The following GCN1 variants were observed in gnomAD, a reference collection of about 807,000 sequenced individuals.
GCN1 encodes the protein stalled ribosome sensor GCN1.
A neutral mutation model predicts 288.4 loss-of-function variants in GCN1; 90 were observed. The ratio of observed to expected loss-of-function variants is 0.31; its 90% CI spans 0.26 to 0.37. The LOEUF is 0.37. Ranked by LOEUF, GCN1 falls within the 10% of genes least tolerant of loss-of-function variation. The probability of loss-of-function intolerance (pLI) is 1.00; values close to 1 mark genes in which losing one functional copy is unlikely to be tolerated. For missense variants in GCN1, 2,586 were observed against 3,419.9 expected (o/e 0.76, Z 6.08); for synonymous variants, 1,386 against 1,420.2 (o/e 0.98, Z 0.54).
intron 2 of GCN1, among the ~76,000 whole-genome samples, chr12:120,189,966 T>C (rs989893047): frequency 1.1e-4 from 16 of 151,766 alleles, no homozygotes; most frequent in African/African-American, 3.4e-4. Flanking sequence ...GGTGACATCG[T>C]GAGACTCTGT....
At chr12:120,180,635 T>C (rs1878625776) in intron 5 of GCN1, among the ~76,000 whole-genome samples, 1 of 151,512 alleles carries the variant, frequency 6.6e-6, no homozygotes, top group Non-Finnish European at 1.5e-5. Context: ...TCAGAGACTT[T>C]ATGTGCCATA....
Position 120,130,714 on chromosome 12 carries a change from G to C in GCN1, c.7603C>G (p.Leu2535Val). The C allele has an allele frequency of 6.2e-7, 1 of 1,614,034 alleles. No individual in the cohort carries two copies. Residue 2535 changes from leucine (L) to valine (V), a missense_variant, in exon 56 of 58, where the codon CTC becomes GTC. Coordinates refer to ENST00000300648, the MANE Select transcript of GCN1 (RefSeq NM_006836.2). The part of the protein sequence containing the change: ...AVSGVRGMGF[L>V]MRHHIETGGG... ...CCTGTCTCGATGTGGTGTCTCATGA[G>C]AAAGCCCATGCCCCGGACCCCGCTC...
chr12:120,174,531 G>A (rs974659256), intron 12 of GCN1, among the ~76,000 whole-genome samples: 3 of 152,124 alleles, frequency 2.0e-5, no homozygotes, highest in African/African-American at 4.8e-5. Context: ...AGTGGCTCAC[G>A]CCTGTAATCC....
rs1426093951 is a variant in GCN1 at position 120,142,401 on chromosome 12, T to C, written c.5829+106A>G. On this transcript the variant is annotated intron_variant, in intron 44 of 57. Transcript: ENST00000300648. The surrounding 1 kb of genome is among the most constrained non-coding windows in gnomAD (Gnocchi z 4.9). ...AGTAAAGAACACAATGTCCCTCTGT[T>C]AGGCAGGGTGGATGGGTACTTTCCC... 4.0e-6 allele frequency: 3 copies of C among 740,760 alleles called. No individual in the cohort carries two copies. The highest frequency in any genetic ancestry group is 3.5e-5 in the African/African-American group (2 of 57,414). 45.9% of individuals were successfully genotyped at this position (740,760 alleles called of 1,614,324 possible).
intron 2 of GCN1, among the ~76,000 whole-genome samples, chr12:120,186,601 TACA>T (rs1201925319): frequency 6.6e-6 from 1 of 152,108 alleles, no homozygotes; most frequent in Non-Finnish European, 1.5e-5. Flanking sequence ...ATGAATGAGG[TACA>T]GGGACGCAGT....
At chr12:120,141,306 A>T (rs1380102650) in intron 44 of GCN1, among the ~76,000 whole-genome samples, 1 of 152,216 alleles carries the variant, frequency 6.6e-6, no homozygotes, top group African/African-American at 2.4e-5. Flanking sequence ...TGCACAGTCA[A>T]GGGCCAATTT....
Position 120,153,587 on chromosome 12 carries a change from C to T in GCN1, c.3867+157G>A, listed in dbSNP as rs536652589. On this transcript the variant is annotated intron_variant, in intron 32 of 57. Coordinates refer to ENST00000300648, the MANE Select transcript of GCN1 (RefSeq NM_006836.2). This position sits in a 1 kb window ranked among gnomAD's most constrained non-coding sequence, Gnocchi z 4.4. The stretch of plus-strand genomic sequence containing the variant: ...CACAGACTTAAAAGAATTTAACACA[C>T]TATCATGGTCTTTTTGGCTCAAAGT... 6.6e-6 allele frequency among the ~76,000 whole-genome samples: 1 copy of T among 152,234 alleles called. No homozygotes were observed. Among genetic ancestry groups the T allele is most frequent in the Non-Finnish European group, 1.5e-5 (1 of 68,032 alleles).
chr12:120,171,247 C>T (rs1219784634), intron 14 of GCN1, among the ~76,000 whole-genome samples: 1 of 152,132 alleles, frequency 6.6e-6, no homozygotes, highest in African/African-American at 2.4e-5. Context: ...GAGCAGATCA[C>T]CCGAGGTCAG....
intron 55 of GCN1, 131 bp from the exon 56 acceptor site, chr12:120,130,884 C>CT: frequency 1.6e-6 from 1 of 630,248 alleles, no homozygotes; most frequent in Non-Finnish European, 2.8e-6. Flanking sequence ...ACCATGACAG[C>CT]TCTCAGGCAG....
intron 16 of GCN1, among the ~76,000 whole-genome samples, chr12:120,166,011 C>T (rs1360770642): frequency 3.9e-5 from 6 of 152,056 alleles, no homozygotes; most frequent in Non-Finnish European, 5.9e-5. Context: ...AGGATAGTCT[C>T]GATCTCGACC....
intron 5 of GCN1, among the ~76,000 whole-genome samples, chr12:120,180,955 G>A (rs1566318893): frequency 6.7e-6 from 1 of 150,324 alleles, no homozygotes; most frequent in Non-Finnish European, 1.5e-5. Flanking sequence ...GCGCCTCACT[G>A]CACTCCAGCC....
chr12:120,140,097 T>C (rs1594262285), intron 45 of GCN1, among the ~76,000 whole-genome samples: 1 of 152,214 alleles, frequency 6.6e-6, no homozygotes, highest in Admixed American at 6.5e-5. Flanking sequence ...AATGTAAATT[T>C]TAAAAACCAA....
chr12:120,151,461 C>T (rs1877552483), intron 33 of GCN1, 70 bp from the exon 34 acceptor site: 2 of 1,514,250 alleles, frequency 1.3e-6, no homozygotes, highest in South Asian at 2.4e-5. Context: ...GGGGGTCTGA[C>T]CATTCTACAC....
Position 120,155,316 on chromosome 12 carries a change from T to C in GCN1, c.3555A>G (p.Gln1185=), listed in dbSNP as rs200766772. Residue 1185 remains glutamine, a synonymous_variant, in exon 30 of 58, where the codon CAA becomes CAG. Coordinates refer to ENST00000300648, the MANE Select transcript of GCN1 (RefSeq NM_006836.2). This position sits in a 1 kb window ranked among gnomAD's most constrained non-coding sequence, Gnocchi z 4.9. ...CCTGCCGCTGGTAACGTGCCACTGC[T>C]TGGGAGAGGGCTTCGGCCCCTGCCT... is the stretch of plus-strand genomic sequence containing the variant. ...VRQAGAEALS[Q]AVARYQRQAA... is the part of the protein sequence containing the mutation. The C allele has an allele frequency of 2.7e-5, 43 of 1,614,208 alleles. No individual in the cohort carries two copies. Among genetic ancestry groups the C allele is most frequent in the Non-Finnish European group, 3.3e-5 (39 of 1,180,036 alleles).
At position 120,137,833 on chromosome 12, in the gene GCN1, A is replaced by C; in HGVS notation, c.6394-19T>G. The C allele has an allele frequency of 2.5e-6, 4 of 1,613,062 alleles. No individual in the cohort carries two copies. The highest frequency in any genetic ancestry group is 3.4e-6 in the Non-Finnish European group (4 of 1,179,054). ...CCATCTCCTGCAAACCACAAGGGACATGTGTGCTGAGCAGGGATCCTCCGG... is the reference window on the plus strand; with the variant it reads ...CCATCTCCTGCAAACCACAAGGGACCTGTGTGCTGAGCAGGGATCCTCCGG... On this transcript the variant is annotated intron_variant, in intron 48 of 57. Coordinates refer to ENST00000300648, the MANE Select transcript of GCN1 (RefSeq NM_006836.2). The surrounding 1 kb of genome is among the most constrained non-coding windows in gnomAD (Gnocchi z 5.2).
chr12:120,175,148 A>AAAAAAAAC lies in GCN1; in HGVS notation c.1093+13_1093+14insGTTTTTTT. On this transcript the variant is annotated intron_variant, in intron 12 of 57. Transcript: ENST00000300648. ...TCTCAAAAAAAAAAAAAAAAAAAAA[A>AAAAAAAAC]AGAAATCCTATACCTGAGAGGACGC... 2 of 1,546,868 alleles carry AAAAAAAAC rather than the reference A, an allele frequency of 1.3e-6. No individual in the cohort carries two copies. Among genetic ancestry groups the AAAAAAAAC allele is most frequent in the Non-Finnish European group, 1.7e-6 (2 of 1,148,626 alleles).
chr12:120,181,900 A>G (rs1285915555), intron 5 of GCN1, among the ~76,000 whole-genome samples: 1 of 150,834 alleles, frequency 6.6e-6, no homozygotes, highest in African/African-American at 2.4e-5. Context: ...TAATCCCTGC[A>G]CTTTGGGAGG....
chr12:120,189,423 C>T (rs574877974), intron 2 of GCN1, among the ~76,000 whole-genome samples: 18 of 148,210 alleles, frequency 1.2e-4, no homozygotes, highest in Admixed American at 2.0e-4. Context: ...AGTGCAGTGG[C>T]ATAATCTCGG....
At chr12:120,152,248 C>T (rs959222108) in intron 33 of GCN1, among the ~76,000 whole-genome samples, 11 of 151,674 alleles carry the variant, frequency 7.3e-5, no homozygotes, top group Non-Finnish European at 1.0e-4. Flanking sequence ...AGGCTGGTCT[C>T]GAACTACTGG....
Sources: allele counts gnomAD v4.1 joint callset (sites outside exome capture counted in the v4.1 genomes callset), GRCh38; gene constraint gnomAD v4.1.1; non-coding constraint Gnocchi (gnomAD v3.1); transcripts MANE v1.5; gene names NCBI Gene and HGNC (gene_info 2026-07-23, HGNC 2026-07-21).